The following PRKD1 variants were observed in gnomAD, a reference collection of about 807,000 sequenced individuals.
PRKD1 encodes the protein serine/threonine-protein kinase D1.
PRKD1 carries 63 observed loss-of-function variants against 95.9 expected under a neutral mutation model. The observed-to-expected ratio is 0.66, with a 90% confidence interval of 0.54 to 0.81. PRKD1 has a LOEUF of 0.81. Ranked by LOEUF, PRKD1 falls within the 30% of genes least tolerant of loss-of-function variation. PRKD1 has a pLI of 0.00. For synonymous variants in PRKD1, 425 were observed against 423.1 expected (o/e 1.00, Z -0.05); for missense variants, 1,048 against 1,165.3 (o/e 0.90, Z 1.47).
At chr14:29,909,784 C>T (rs755458421) in intron 1 of PRKD1, among the ~76,000 whole-genome samples, 17 of 148,592 alleles carry the variant, frequency 1.1e-4, no homozygotes, top group African/African-American at 2.2e-4. Flanking sequence ...AGAATCTTTA[C>T]GTCTAGCTAA....
At chr14:29,777,853 A>G (rs948964144) in intron 1 of PRKD1, among the ~76,000 whole-genome samples, 7 of 152,190 alleles carry the variant, frequency 4.6e-5, no homozygotes, top group African/African-American at 1.4e-4. Flanking sequence ...TCTTCTCAGC[A>G]CCACATCACA....
chr14:29,715,009 G>A (rs1885531483), intron 2 of PRKD1, among the ~76,000 whole-genome samples: 1 of 152,104 alleles, frequency 6.6e-6, no homozygotes, highest in South Asian at 2.1e-4. Flanking sequence ...ACCTAATGTA[G>A]ATGACGGGTT....
chr14:29,680,570 G>C (rs1192591960), intron 2 of PRKD1, among the ~76,000 whole-genome samples: 1 of 152,140 alleles, frequency 6.6e-6, no homozygotes, highest in Non-Finnish European at 1.5e-5. Context: ...TTTTAGGTTG[G>C]CTGATTTTTG....
chr14:29,872,389 G>A lies in PRKD1; in HGVS notation c.264+54860C>T, dbSNP rs551952002. On this transcript the variant is annotated intron_variant, in intron 1 of 17. Coordinates refer to ENST00000331968, the MANE Select transcript of PRKD1 (RefSeq NM_002742.3). ...GTCACTTAAAATCTCCACACCAGGT[G>A]GGGTGGCTCACGCCTGTAATCCCAG... Among the ~76,000 whole-genome samples the A allele has an allele frequency of 6.9e-4, 105 of 152,046 alleles. 1 individual carries two copies. The highest frequency in any genetic ancestry group is 1.2e-3 in the Non-Finnish European group (84 of 67,956).
intron 2 of PRKD1, among the ~76,000 whole-genome samples, chr14:29,715,319 T>C (rs933822209): frequency 1.3e-5 from 2 of 151,896 alleles, no homozygotes; most frequent in African/African-American, 2.4e-5. Flanking sequence ...ATAGAACTTT[T>C]TTCAGATAGT....
intron 2 of PRKD1, among the ~76,000 whole-genome samples, chr14:29,676,586 C>T (rs184252650): frequency 2.6e-5 from 4 of 152,266 alleles, no homozygotes; most frequent in African/African-American, 9.6e-5. Flanking sequence ...ATCTCCTGAC[C>T]TCGTGATCTG....
intron 13 of PRKD1, among the ~76,000 whole-genome samples, chr14:29,623,084 G>C (rs1414884505): frequency 6.6e-6 from 1 of 152,160 alleles, no homozygotes. Flanking sequence ...CAGATACTAA[G>C]ACATGAATCC....
chr14:29,750,616 G>GCGTGCACACACACACA (rs72239992), intron 1 of PRKD1, among the ~76,000 whole-genome samples: 1 of 148,374 alleles, frequency 6.7e-6, no homozygotes, highest in Non-Finnish European at 1.5e-5. Context: ...ATGAACGCGC[G>GCGTGCACACACACACA]CACACACACA....
chr14:29,887,664 T>C (rs1158214940), intron 1 of PRKD1, among the ~76,000 whole-genome samples: 2 of 152,174 alleles, frequency 1.3e-5, no homozygotes, highest in East Asian at 3.9e-4. Flanking sequence ...ACATATACAA[T>C]GGTGGTCTTA....
intron 1 of PRKD1, among the ~76,000 whole-genome samples, chr14:29,812,856 C>G (rs1310167796): frequency 6.6e-6 from 1 of 152,182 alleles, no homozygotes; most frequent in Non-Finnish European, 1.5e-5. Context: ...CACCTGTTAT[C>G]CCAGCACTTT....
At chr14:29,602,689 A>G (rs757225886) in intron 13 of PRKD1, among the ~76,000 whole-genome samples, 6 of 152,040 alleles carry the variant, frequency 3.9e-5, no homozygotes, top group Non-Finnish European at 8.8e-5. Flanking sequence ...TTGGCCTCCC[A>G]AAGTGCTGGG....
At chr14:29,883,307 A>T (rs1433605125) in intron 1 of PRKD1, among the ~76,000 whole-genome samples, 5 of 152,214 alleles carry the variant, frequency 3.3e-5, no homozygotes. Context: ...GGTGGGGACA[A>T]ATATCCAAAC....
rs551140328 is a variant in PRKD1 at position 29,815,789 on chromosome 14, T to C, written c.265-90115A>G. 5.3e-5 allele frequency among the ~76,000 whole-genome samples: 8 copies of C among 152,344 alleles called. No individual in the cohort carries two copies. The East Asian group carries it at 5.8e-4, about 11-fold the overall frequency. ...ATTTTCCAGTAAACTACAGAAATTATAATGGCATTTATGTCGACCAGTTTA... is the reference window on the plus strand; with the variant it reads ...ATTTTCCAGTAAACTACAGAAATTACAATGGCATTTATGTCGACCAGTTTA... On this transcript the variant is annotated intron_variant, in intron 1 of 17. Coordinates refer to ENST00000331968, the MANE Select transcript of PRKD1 (RefSeq NM_002742.3).
At chr14:29,825,211 G>A (rs572604412) in intron 1 of PRKD1, among the ~76,000 whole-genome samples, 5 of 152,060 alleles carry the variant, frequency 3.3e-5, no homozygotes, top group East Asian at 1.9e-4. Flanking sequence ...TGATATGTAC[G>A]AAACATGAAT....
chr14:29,807,202 A>T (rs1890272106), intron 1 of PRKD1, among the ~76,000 whole-genome samples: 1 of 152,146 alleles, frequency 6.6e-6, no homozygotes, highest in South Asian at 2.1e-4. Flanking sequence ...AGCAGAGCTC[A>T]GACGGTAATG....
At chr14:29,905,211 G>T (rs772662427) in intron 1 of PRKD1, among the ~76,000 whole-genome samples, 1 of 152,124 alleles carries the variant, frequency 6.6e-6, no homozygotes, top group Non-Finnish European at 1.5e-5. Context: ...AAATGAAAGA[G>T]AAGTCAGACA....
At chr14:29,733,961 AC>A (rs1174981887) in intron 1 of PRKD1, among the ~76,000 whole-genome samples, 1 of 143,620 alleles carries the variant, frequency 7.0e-6, no homozygotes, top group Non-Finnish European at 1.5e-5. Context: ...CAAGTCTATC[AC>A]CTTTACCATT....
chr14:29,705,878 C>T (rs1398471718), intron 2 of PRKD1, among the ~76,000 whole-genome samples: 2 of 151,958 alleles, frequency 1.3e-5, no homozygotes, highest in Admixed American at 1.3e-4. Flanking sequence ...AGTTGATGAA[C>T]ATCTGTTTTT....
rs560786757 is a variant in PRKD1, at chr14:29,787,429, T to C, written c.265-61755A>G. Among the ~76,000 whole-genome samples, 37 of 152,196 alleles carry C rather than the reference T, an allele frequency of 2.4e-4. No homozygotes were observed. The South Asian group carries it at 7.5e-3, about 31-fold the overall frequency. ...GATCTTTCCAGTGCTAACAGTGAGATGCTGAAGTCCCTAGCTAGTACTGTA... is the reference window on the plus strand; with the variant it reads ...GATCTTTCCAGTGCTAACAGTGAGACGCTGAAGTCCCTAGCTAGTACTGTA... On this transcript the variant is annotated intron_variant, in intron 1 of 17. Transcript: ENST00000331968.
Sources: gnomAD v4.1 joint callset for allele counts (sites outside exome capture counted in the v4.1 genomes callset) on GRCh38, gnomAD v4.1.1 for gene constraint, MANE v1.5 for transcripts, NCBI Gene and HGNC (gene_info 2026-07-23, HGNC 2026-07-21) for gene names.